ABCA4: variants seen among roughly 807,000 people sequenced by gnomAD.
ABCA4 encodes retinal-specific phospholipid-transporting ATPase ABCA4.
A neutral mutation model predicts 263.7 loss-of-function variants in ABCA4; 196 were observed. The ratio of observed to expected loss-of-function variants is 0.74; its 90% CI spans 0.66 to 0.84. The LOEUF is 0.84. Ranked by LOEUF, ABCA4 falls within the 40% of genes least tolerant of loss-of-function variation. The pLI is 0.00. For missense variants in ABCA4, 2,792 were observed against 2,855.1 expected, an observed-to-expected ratio of 0.98 and a Z score of 0.50; for synonymous variants, 1,133 against 1,094.2, an observed-to-expected ratio of 1.04 and a Z score of -0.70.
At chr1:94,098,167 C>T (rs17100412) in intron 6 of ABCA4, among the ~76,000 whole-genome samples, 6,849 of 152,148 alleles carry the variant, frequency 0.045, 310 homozygotes, top group African/African-American at 0.12. Flanking sequence ...TTTTCAGGTC[C>T]CAAGCAGTCT....
rs534365589 is a variant in ABCA4 at position 94,032,018 on chromosome 1, G to A, written c.3888C>T (p.Asn1296=). The A allele has an allele frequency of 9.9e-6, 16 of 1,613,040 alleles. No homozygotes were observed. The South Asian group carries it at 1.2e-4, about 12-fold the overall frequency. ...FAGGAQQKRE[N]VNPRHPCLGP... is the part of the protein sequence containing the mutation. The stretch of plus-strand genomic sequence containing the variant: ...CCAAGCAGGGGTGTCGGGGGTTGAC[G>A]TTTTCTCTTTTCTGCTGAGCGCCAC... The change falls in exon 27 of 50, where the codon AAC becomes AAT. Residue 1296 remains asparagine (N), a synonymous_variant. Transcript: ENST00000370225.
chr1:94,032,166 A>G (rs945870690), intron 26 of ABCA4, 123 bp from the exon 27 acceptor site: 2 of 1,174,988 alleles, frequency 1.7e-6, no homozygotes, highest in Non-Finnish European at 2.5e-6. Context: ...ATGAAATACC[A>G]GGCTGGTAGC....
chr1:94,056,441 TC>T (rs1189034258), intron 15 of ABCA4, among the ~76,000 whole-genome samples, 159 bp downstream of exon 15: 23 of 152,176 alleles, frequency 1.5e-4, no homozygotes, highest in Admixed American at 1.5e-3. Context: ...TGAGGACTGC[TC>T]CCACTTTTGC....
At chr1:94,025,189 T>C in intron 30 of ABCA4, 141 bp from the exon 31 acceptor site, 1 of 745,654 alleles carries the variant, frequency 1.3e-6, no homozygotes, top group Non-Finnish European at 2.4e-6. Context: ...GGCATCTCCC[T>C]AGTTCTCACT....
chr1:94,120,908 A>ACCCCCCCCCCCCCCCC, intron 1 of ABCA4, 72 bp downstream of exon 1: 1 of 171,164 alleles, frequency 5.8e-6, no homozygotes, highest in Non-Finnish European at 1.1e-5. Context: ...CTACCCCACC[A>ACCCCCCCCCCCCCCCC]CCCCACCCCA....
chr1:94,088,250 G>A (rs1661884014), intron 6 of ABCA4, among the ~76,000 whole-genome samples: 1 of 152,160 alleles, frequency 6.6e-6, no homozygotes, highest in Non-Finnish European at 1.5e-5. Flanking sequence ...CTGGTCGTCT[G>A]TGACACTGCT....
chr1:94,063,058 T>C, intron 12 of ABCA4, 54 bp downstream of exon 12: 2 of 1,515,806 alleles, frequency 1.3e-6, no homozygotes, highest in Non-Finnish European at 1.8e-6. Flanking sequence ...CTCTACCAAA[T>C]GTAATTTCCC....
chr1:94,121,075 C>A lies in ABCA4; in HGVS notation c.-30G>T. On this transcript the variant is annotated 5_prime_UTR_variant, in exon 1 of 50. Coordinates refer to ENST00000370225, the MANE Select transcript of ABCA4 (RefSeq NM_000350.3). ...ATGACCACACGAAGACCAGATTGGTCAGAGCTGAGGCCCCTCAGACAGCAA... is the reference window on the plus strand; with the variant it reads ...ATGACCACACGAAGACCAGATTGGTAAGAGCTGAGGCCCCTCAGACAGCAA... The A allele has an allele frequency of 6.2e-7, 1 of 1,610,798 alleles. No homozygotes were observed. Among genetic ancestry groups the A allele is most frequent in the South Asian group, 1.1e-5 (1 of 90,992 alleles).
Position 94,002,012 on chromosome 1 carries a change from GC to G in ABCA4, c.6148-21del. ...TGCAACCTAGGGAAGAGAAAGAAAT[GC>G]CATTTGGAGAAGACAAGCAAACACC... On this transcript the variant is annotated intron_variant, in intron 44 of 49. Coordinates refer to ENST00000370225, the MANE Select transcript of ABCA4 (RefSeq NM_000350.3). 1.2e-6 allele frequency: 2 copies of G among 1,614,116 alleles called. No individual in the cohort carries two copies. The highest frequency in any genetic ancestry group is 1.7e-6 in the Non-Finnish European group (2 of 1,180,022).
rs772663974 is a variant in ABCA4, at chr1:94,043,347, T to C, written c.3179A>G (p.Gln1060Arg). The C allele has an allele frequency of 6.2e-7, 1 of 1,614,060 alleles. No homozygotes were observed. Residue 1060 changes from glutamine (Q) to arginine (R), a missense_variant, in exon 21 of 50, where the codon CAG becomes CGG. Gln to Arg is a conservative substitution (Grantham distance 43). Coordinates refer to ENST00000370225, the MANE Select transcript of ABCA4 (RefSeq NM_000350.3). ...CCAGCTCTGAGCACCTGATAGGTCCTGAGCCTCTTCATTCCGCTTGTGGTG... is the reference window on the plus strand; with the variant it reads ...CCAGCTCTGAGCACCTGATAGGTCCCGAGCCTCTTCATTCCGCTTGTGGTG... ...GLHHKRNEEA[Q>R]DLSGGMQRKL...
chr1:94,027,318 G>A (rs1334753848), intron 30 of ABCA4, among the ~76,000 whole-genome samples: 1 of 152,190 alleles, frequency 6.6e-6, no homozygotes, highest in Non-Finnish European at 1.5e-5. Context: ...GGTTCGTTTA[G>A]GAAATGAAAC....
chr1:94,079,752 G>C (rs1661639077), intron 8 of ABCA4, among the ~76,000 whole-genome samples: 1 of 152,168 alleles, frequency 6.6e-6, no homozygotes, highest in Non-Finnish European at 1.5e-5. Flanking sequence ...ATTACTGCTA[G>C]GAACTGAGGC....
intron 10 of ABCA4, 83 bp from the exon 11 acceptor site, chr1:94,077,970 T>C (rs1661582177): frequency 3.6e-6 from 5 of 1,401,886 alleles, no homozygotes; most frequent in Non-Finnish European, 5.0e-6. Flanking sequence ...TTTCTAATTT[T>C]TAGTGATTGA....
At position 93,998,086 on chromosome 1, in the gene ABCA4, T is replaced by C. The variant is rs1473644174; in HGVS notation, c.6504A>G (p.Thr2168=). Residue 2168 remains threonine (T), a synonymous_variant, in exon 48 of 50, where the codon ACA becomes ACG. Coordinates refer to ENST00000370225, the MANE Select transcript of ABCA4 (RefSeq NM_000350.3). ...CGTCCTTCGGGGATTTGATCTTCAT[T>C]GTGACGATATAGCCATCTCCAAATC... ...KSKFGDGYIV[T]MKIKSPKDDL... 6.2e-7 allele frequency: 1 copy of C among 1,614,186 alleles called. No homozygotes were observed. Among genetic ancestry groups the C allele is most frequent in the Non-Finnish European group, 8.5e-7 (1 of 1,180,030 alleles).
chr1:94,032,665 C>T (rs551986490), intron 26 of ABCA4, among the ~76,000 whole-genome samples: 2 of 152,044 alleles, frequency 1.3e-5, no homozygotes, highest in Non-Finnish European at 2.9e-5. Context: ...AACAAACAAA[C>T]AAAAAAACTA....
chr1:94,120,625 A>C (rs79438289), intron 1 of ABCA4, among the ~76,000 whole-genome samples: 3,763 of 133,514 alleles, frequency 0.028, 172 homozygotes, highest in African/African-American at 0.099. Flanking sequence ...CAGGGCTTAA[A>C]GTTCTTCCCA....
Position 94,103,057 on chromosome 1 carries a change from T to G in ABCA4, c.528A>C (p.Ser176=). 1 of 1,614,206 alleles carries G rather than the reference T, an allele frequency of 6.2e-7. No homozygotes were observed. Among genetic ancestry groups the G allele is most frequent in the South Asian group, 1.1e-5 (1 of 91,084 alleles). The change falls in exon 5 of 50, where the codon TCA becomes TCC. Residue 176 remains serine (S), a synonymous_variant. Coordinates refer to ENST00000370225, the MANE Select transcript of ABCA4 (RefSeq NM_000350.3). ...FLIKNIGLSD[S]VVYLLINSQV... ...GAGAGTTGATCAGAAGGTAGACCAC[T>G]GAGTCAGACAGGCCGATGTTTTTAA...
chr1:94,096,703 C>T (rs376978442), intron 6 of ABCA4, among the ~76,000 whole-genome samples: 2 of 152,188 alleles, frequency 1.3e-5, no homozygotes, highest in African/African-American at 2.4e-5. Flanking sequence ...AAAGTTTTAC[C>T]CAGGTGCCGA....
chr1:94,083,943 G>T (rs1661769166), intron 6 of ABCA4, among the ~76,000 whole-genome samples: 1 of 152,186 alleles, frequency 6.6e-6, no homozygotes, highest in Non-Finnish European at 1.5e-5. Context: ...TGGAGGATTT[G>T]ACCAGCTACA....
Sources: gnomAD v4.1 joint callset for allele counts (sites outside exome capture counted in the v4.1 genomes callset) on GRCh38, gnomAD v4.1.1 for gene constraint, MANE v1.5 for transcripts, NCBI Gene and HGNC (gene_info 2026-07-23, HGNC 2026-07-21) for gene names.